The following ESRRG variants were observed in gnomAD, a reference collection of about 807,000 sequenced individuals.
ESRRG encodes estrogen-related receptor gamma.
Under a neutral mutation model 44.0 loss-of-function variants are expected in ESRRG, and 13 were observed. The observed-to-expected ratio is 0.30, with a 90% CI of 0.19 to 0.47. The LOEUF (loss-of-function observed/expected upper bound fraction) is 0.47. Among genes scored for constraint, ESRRG ranks in the 20% least tolerant of loss-of-function variants. ESRRG has a pLI of 1.00. For missense variants in ESRRG, 395 were observed against 580.6 expected (o/e 0.68, Z 3.29); for synonymous variants, 215 against 214.6 (o/e 1.00, Z -0.02).
intron 3 of ESRRG, among the ~76,000 whole-genome samples, chr1:216,584,341 C>T (rs2149861785): frequency 6.6e-6 from 1 of 151,290 alleles, no homozygotes; most frequent in East Asian, 2.0e-4. Context: ...ACTGCAGGCT[C>T]TGCCCGCCGG....
intron 3 of ESRRG, among the ~76,000 whole-genome samples, chr1:216,650,753 G>A (rs141898218): frequency 2.0e-5 from 3 of 152,100 alleles, no homozygotes; most frequent in Admixed American, 6.6e-5. Context: ...GGTGTGTTTC[G>A]CTGTACATCA....
chr1:216,945,174 C>T (rs2065868623), intron 1 of ESRRG, among the ~76,000 whole-genome samples: 1 of 151,958 alleles, frequency 6.6e-6, no homozygotes, highest in Non-Finnish European at 1.5e-5. Flanking sequence ...TGCTCTCAAC[C>T]AAGGAGGCAA....
intron 2 of ESRRG, among the ~76,000 whole-genome samples, chr1:216,786,047 C>T (rs2094117688): frequency 6.6e-6 from 1 of 152,016 alleles, no homozygotes; most frequent in African/African-American, 2.4e-5. Context: ...TCCGCTGCTC[C>T]CTAAAGGTCA....
At chr1:217,048,234 G>A (rs1005392898) in intron 1 of ESRRG, among the ~76,000 whole-genome samples, 1 of 152,110 alleles carries the variant, frequency 6.6e-6, no homozygotes, top group African/African-American at 2.4e-5. Flanking sequence ...AAGGGCAGTC[G>A]CTGACGGTAC....
In ESRRG at chr1:217,028,667, G is replaced by A. The variant is rs534964597; in HGVS notation, c.-106+60840C>T. ...TTTCTGACAAAATAAAATTGGCAAA[G>A]AATATTTTCAAATTCCAGGAAGTTT... On this transcript the variant is annotated intron_variant, in intron 1 of 7. Coordinates refer to the ESRRG transcript ENST00000359162. Among the ~76,000 whole-genome samples, 2 of 152,242 alleles carry A rather than the reference G, an allele frequency of 1.3e-5. 1 individual carries two copies. The highest frequency in any genetic ancestry group is 4.1e-4 in the South Asian group (2 of 4,830).
intron 2 of ESRRG, among the ~76,000 whole-genome samples, chr1:216,869,537 C>T (rs895525241): frequency 6.6e-6 from 1 of 152,036 alleles, no homozygotes; most frequent in South Asian, 2.1e-4. Flanking sequence ...AGCTCCTTTG[C>T]CTTTCCATAA....
At chr1:216,877,442 C>T (rs2096375195) in intron 2 of ESRRG, among the ~76,000 whole-genome samples, 1 of 150,552 alleles carries the variant, frequency 6.6e-6, no homozygotes, top group East Asian at 2.0e-4. Context: ...CTCACTCTGT[C>T]ACCCAGGCTG....
In ESRRG at chr1:216,797,681, T is replaced by A. The variant is rs78480399; in HGVS notation, c.-13-120190A>T. Among the ~76,000 whole-genome samples, 648 of 152,106 alleles carry A rather than the reference T, an allele frequency of 4.3e-3. 8 individuals carry two copies. Among genetic ancestry groups the A allele is most frequent in the African/African-American group, 0.015 (622 of 41,506 alleles). ...TTTGGGATCAGACAGGGGTTGTGGG[T>A]TTTTTGGGGAGGGAGACCACAGACC... is the stretch of plus-strand genomic sequence containing the variant. On this transcript the variant is annotated intron_variant, in intron 2 of 7. Coordinates refer to the ESRRG transcript ENST00000359162.
intron 1 of ESRRG, among the ~76,000 whole-genome samples, chr1:217,079,416 A>C (rs2091570026): frequency 6.6e-6 from 1 of 152,208 alleles, no homozygotes; most frequent in South Asian, 2.1e-4. Context: ...ACTTATCTGA[A>C]AGCCAGCCCA....
chr1:216,586,630 G>A (rs1558658478), intron 3 of ESRRG, among the ~76,000 whole-genome samples: 2 of 143,522 alleles, frequency 1.4e-5, no homozygotes, highest in African/African-American at 2.6e-5. Context: ...TCACCCAGGT[G>A]CAGTGGCACC....
intron 1 of ESRRG, among the ~76,000 whole-genome samples, chr1:216,685,758 GT>G (rs2077825873): frequency 6.6e-6 from 1 of 152,182 alleles, no homozygotes; most frequent in African/African-American, 2.4e-5. Flanking sequence ...GCTATCACAA[GT>G]TGATATAAGG....
At chr1:216,663,009 G>C (rs931031134) in intron 2 of ESRRG, among the ~76,000 whole-genome samples, 4 of 152,124 alleles carry the variant, frequency 2.6e-5, no homozygotes. Flanking sequence ...TTCCTTTCTT[G>C]CTCACGACTC....
At chr1:217,033,749 T>G (rs1401729723) in intron 1 of ESRRG, among the ~76,000 whole-genome samples, 1 of 152,218 alleles carries the variant, frequency 6.6e-6, no homozygotes, top group Admixed American at 6.5e-5. Context: ...CTAGTAACCC[T>G]CTGCTGTGAA....
chr1:216,649,751 A>G (rs2151034974), intron 3 of ESRRG, among the ~76,000 whole-genome samples: 1 of 152,256 alleles, frequency 6.6e-6, no homozygotes, highest in African/African-American at 2.4e-5. Context: ...TGAAAGTCAG[A>G]GAAATACAAT....
Position 216,601,103 on chromosome 1 carries a change from G to GGAGCAAGGCCGGCTTGGA in ESRRG, c.590-33023_590-33006dup, listed in dbSNP as rs2059166436. Reference sequence around the variant, plus strand: ...AGCGCGGGCGGCAGCAGCGGGTTGGGGAGCAAGGCCGGCTTGGAACGCGGG... The same window carrying GGAGCAAGGCCGGCTTGGA: ...AGCGCGGGCGGCAGCAGCGGGTTGGGGAGCAAGGCCGGCTTGGAGAGCAAGGCCGGCTTGGAACGCGGG... On this transcript the variant is annotated intron_variant, in intron 3 of 6. Coordinates refer to ENST00000408911, the MANE Select transcript of ESRRG (RefSeq NM_001438.4). Among the ~76,000 whole-genome samples, 3 of 152,288 alleles carry GGAGCAAGGCCGGCTTGGA rather than the reference G, an allele frequency of 2.0e-5. No individual in the cohort carries two copies. The South Asian group carries it at 6.2e-4, about 32-fold the overall frequency.
At chr1:216,701,256 A>G (rs981313236) in intron 1 of ESRRG, among the ~76,000 whole-genome samples, 4 of 152,110 alleles carry the variant, frequency 2.6e-5, no homozygotes, top group Non-Finnish European at 5.9e-5. Context: ...CTGGCTTTCA[A>G]ACTCATAGTC....
At chr1:217,101,798 T>A (rs977652134) in intron 1 of ESRRG, among the ~76,000 whole-genome samples, 2 of 152,176 alleles carry the variant, frequency 1.3e-5, no homozygotes, top group African/African-American at 2.4e-5. Context: ...TTTTATTTTT[T>A]TTTTTATTTT....
At chr1:216,791,093 C>G (rs2094304884) in intron 2 of ESRRG, among the ~76,000 whole-genome samples, 1 of 152,088 alleles carries the variant, frequency 6.6e-6, no homozygotes, top group African/African-American at 2.4e-5. Context: ...TCACAGAGAA[C>G]AACATATCAG....
At chr1:217,080,442 C>T (rs2091651443) in intron 1 of ESRRG, among the ~76,000 whole-genome samples, 1 of 152,100 alleles carries the variant, frequency 6.6e-6, no homozygotes, top group African/African-American at 2.4e-5. Flanking sequence ...TCATTATATA[C>T]ATGTCAAAGT....
Sources: allele counts gnomAD v4.1 joint callset (sites outside exome capture counted in the v4.1 genomes callset), GRCh38; gene constraint gnomAD v4.1.1; transcripts MANE v1.5; gene names NCBI Gene and HGNC (gene_info 2026-07-23, HGNC 2026-07-21).